LIN9: variants seen among roughly 807,000 people sequenced by gnomAD.
The protein encoded by LIN9 is lin-9 DREAM MuvB core complex component, also known as protein lin-9 homolog.
A neutral mutation model predicts 78.0 loss-of-function variants in LIN9; 18 were observed. That is an observed-to-expected ratio of 0.23 (90% CI 0.16 to 0.34). LIN9 has a LOEUF of 0.34. Among genes scored for constraint, LIN9 ranks in the 10% least tolerant of loss-of-function variants. The pLI, the probability that LIN9 is intolerant of heterozygous loss-of-function variation, is 1.00. For synonymous variants in LIN9, 192 were observed against 215.2 expected (o/e 0.89, Z 0.94); for missense variants, 451 against 644.1 (o/e 0.70, Z 3.25).
Position 226,241,724 on chromosome 1 carries a change from G to A in LIN9, c.1120-2628C>T, listed in dbSNP as rs573754736. ...ATACAAAAAATTAGCTGGGTGTGGTGGCAGGTGCCTGCAGTCCCAGCTACT... is the reference window on the plus strand; with the variant it reads ...ATACAAAAAATTAGCTGGGTGTGGTAGCAGGTGCCTGCAGTCCCAGCTACT... On this transcript the variant is annotated intron_variant, in intron 11 of 14. Transcript: ENST00000681046. Among the ~76,000 whole-genome samples the A allele has an allele frequency of 1.1e-4, 16 of 152,224 alleles. No homozygotes were observed. The South Asian group carries it at 3.3e-3, about 32-fold the overall frequency.
intron 10 of LIN9, among the ~76,000 whole-genome samples, chr1:226,263,744 G>A (rs984894833): frequency 1.3e-5 from 2 of 152,130 alleles, no homozygotes; most frequent in Non-Finnish European, 1.5e-5. Context: ...AGAAGCCAAA[G>A]GTATAAGAAA....
At chr1:226,267,800 G>A (rs550661864) in intron 8 of LIN9, among the ~76,000 whole-genome samples, 157 bp downstream of exon 8, 61 of 152,274 alleles carry the variant, frequency 4.0e-4, no homozygotes, top group African/African-American at 1.4e-3. Flanking sequence ...GTATAGATCC[G>A]AACCAGGGGT....
At chr1:226,290,011 G>C in intron 4 of LIN9, among the ~76,000 whole-genome samples, 1 of 151,988 alleles carries the variant, frequency 6.6e-6, no homozygotes. Context: ...AACTCAAGAA[G>C]TCATTAAAAG....
At chr1:226,256,365 C>T (rs1282548445) in intron 10 of LIN9, among the ~76,000 whole-genome samples, 2 of 151,888 alleles carry the variant, frequency 1.3e-5, no homozygotes, top group Non-Finnish European at 2.9e-5. Flanking sequence ...GAAAAAAAAT[C>T]TGGCAATCTA....
chr1:226,290,198 C>G (rs1661661355), intron 4 of LIN9, among the ~76,000 whole-genome samples: 1 of 151,926 alleles, frequency 6.6e-6, no homozygotes, highest in Non-Finnish European at 1.5e-5. Context: ...CACAATGACC[C>G]ACAATCCAAT....
chr1:226,299,459 T>G lies in LIN9; in HGVS notation c.65-1646A>C, dbSNP rs532984578. 3.4e-5 allele frequency among the ~76,000 whole-genome samples: 5 copies of G among 149,134 alleles called. No individual in the cohort carries two copies. In the South Asian group the frequency reaches 1.1e-3, roughly 32 times the overall value. On this transcript the variant is annotated intron_variant, in intron 2 of 14. Transcript: ENST00000681046. The stretch of plus-strand genomic sequence containing the variant: ...CAGAGGTTGCAGTGAGCCAAGATAT[T>G]GTGCCACTGCACTCCAGCCTGGGCG...
At chr1:226,302,956 T>A (rs558138191) in intron 1 of LIN9, among the ~76,000 whole-genome samples, 1 of 150,992 alleles carries the variant, frequency 6.6e-6, no homozygotes, top group Non-Finnish European at 1.5e-5. Context: ...CTATTAGCAT[T>A]AAAGACACTT....
intron 10 of LIN9, among the ~76,000 whole-genome samples, chr1:226,253,444 C>T (rs1002725401): frequency 6.6e-6 from 1 of 151,488 alleles, no homozygotes; most frequent in Non-Finnish European, 1.5e-5. Context: ...CAGGCTCGCA[C>T]CACCACGCCT....
intron 11 of LIN9, among the ~76,000 whole-genome samples, chr1:226,248,876 AAT>A (rs1658651054): frequency 6.6e-6 from 1 of 152,198 alleles, no homozygotes; most frequent in South Asian, 2.1e-4. Flanking sequence ...AAATAAAACA[AAT>A]AATAAAACAT....
At chr1:226,237,952 CAAAA>C (rs33927134) in intron 12 of LIN9, among the ~76,000 whole-genome samples, 7 of 133,574 alleles carry the variant, frequency 5.2e-5, no homozygotes, top group Admixed American at 7.5e-5. Flanking sequence ...GACTCTGTCT[CAAAA>C]AAAAAAAAAA....
rs181290078 is a variant in LIN9, at chr1:226,308,255, G to C, written c.31+854C>G. On this transcript the variant is annotated intron_variant, in intron 1 of 14. Transcript: ENST00000681046. ...CCATTGCCCTTAAACTATGGAATTG[G>C]TGCTTTTACTTACTCAACACAAGTG... Among the ~76,000 whole-genome samples, 74 of 152,228 alleles carry C rather than the reference G, an allele frequency of 4.9e-4. 1 individual carries two copies. The highest frequency in any genetic ancestry group is 1.6e-3 in the African/African-American group (68 of 41,544).
chr1:226,277,745 CAA>C lies in LIN9; in HGVS notation c.682+28_682+29del, dbSNP rs199749003. ...ATTACCTTGATTAAAAATTACAAGTCAAAAGAGTAATTAGCTTGTTTTCACTT... is the reference window on the plus strand; with the variant it reads ...ATTACCTTGATTAAAAATTACAAGTCAAGAGTAATTAGCTTGTTTTCACTT... On this transcript the variant is annotated intron_variant, in intron 7 of 14. Coordinates refer to ENST00000681046, the MANE Select transcript of LIN9 (RefSeq NM_001366245.2). 26 of 1,585,634 alleles carry C rather than the reference CAA, an allele frequency of 1.6e-5. No homozygotes were observed. The East Asian group carries it at 5.8e-4, about 36-fold the overall frequency.
At chr1:226,241,685 C>T (rs1236154111) in intron 11 of LIN9, among the ~76,000 whole-genome samples, 2 of 151,904 alleles carry the variant, frequency 1.3e-5, no homozygotes, top group Non-Finnish European at 2.9e-5. Flanking sequence ...GGTGAAACCC[C>T]GTCTCTACTA....
intron 12 of LIN9, among the ~76,000 whole-genome samples, chr1:226,237,101 A>G (rs757086257): frequency 6.6e-6 from 1 of 152,168 alleles, no homozygotes; most frequent in African/African-American, 2.4e-5. Context: ...GAGAAGATTA[A>G]ATCACTTTAC....
intron 10 of LIN9, among the ~76,000 whole-genome samples, chr1:226,254,905 T>C (rs367582829): frequency 2.0e-4 from 27 of 136,316 alleles, no homozygotes; most frequent in African/African-American, 7.2e-4. Context: ...AGCGAGACTC[T>C]GTCTCAAAAA....
intron 10 of LIN9, among the ~76,000 whole-genome samples, chr1:226,252,099 G>A (rs964232691): frequency 2.0e-5 from 3 of 151,926 alleles, no homozygotes; most frequent in Non-Finnish European, 2.9e-5. Flanking sequence ...GAGTCTAGGA[G>A]TTTGAGACCT....
chr1:226,264,803 T>C (rs1659815227), intron 10 of LIN9, among the ~76,000 whole-genome samples: 1 of 151,368 alleles, frequency 6.6e-6, no homozygotes, highest in Non-Finnish European at 1.5e-5. Flanking sequence ...GAGCCCAGAC[T>C]GACCCACTGC....
chr1:226,289,808 G>A (rs902786744), intron 4 of LIN9, among the ~76,000 whole-genome samples: 1 of 126,426 alleles, frequency 7.9e-6, no homozygotes, highest in East Asian at 2.6e-4. Context: ...CCCAATAAAT[G>A]TTACTAGGAC....
intron 12 of LIN9, among the ~76,000 whole-genome samples, chr1:226,235,236 C>T (rs1175162181): frequency 1.3e-5 from 2 of 148,674 alleles, no homozygotes; most frequent in Admixed American, 1.4e-4. Context: ...GCAGGAGAAT[C>T]GCTTGAACCC....
Sources: gnomAD v4.1 joint callset for allele counts (sites outside exome capture counted in the v4.1 genomes callset) on GRCh38, gnomAD v4.1.1 for gene constraint, MANE v1.5 for transcripts, NCBI Gene and HGNC (gene_info 2026-07-23, HGNC 2026-07-21) for gene names.